Variants in TNR observed in about 807,000 individuals in gnomAD.
TNR encodes the protein tenascin-R.
A neutral mutation model predicts 150.4 loss-of-function variants in TNR; 45 were observed. The observed-to-expected ratio is 0.30, with a 90% CI of 0.24 to 0.38. The LOEUF (loss-of-function observed/expected upper bound fraction) is 0.38, where lower values mean the gene tolerates loss of function less well. Ranked by LOEUF, TNR falls within the 10% of genes least tolerant of loss-of-function variation. The pLI, the probability that TNR is intolerant of heterozygous loss-of-function variation, is 1.00. For missense variants in TNR, 1,544 were observed against 1,759.1 expected (o/e 0.88, Z 2.19); for synonymous variants, 687 against 678.4 (o/e 1.01, Z -0.20).
At chr1:175,625,284 T>C (rs1185640345) in intron 1 of TNR, among the ~76,000 whole-genome samples, 1 of 152,188 alleles carries the variant, frequency 6.6e-6, no homozygotes, top group African/African-American at 2.4e-5. Flanking sequence ...TATCCCTTCC[T>C]AAGTGCCAGA....
intron 1 of TNR, among the ~76,000 whole-genome samples, chr1:175,567,013 C>T (rs1661670027): frequency 6.6e-6 from 1 of 152,092 alleles, no homozygotes; most frequent in African/African-American, 2.4e-5. Context: ...AACCATTACT[C>T]ATGTTTTTAT....
intron 1 of TNR, among the ~76,000 whole-genome samples, chr1:175,566,177 T>A (rs1056206754): frequency 6.6e-6 from 1 of 152,234 alleles, no homozygotes; most frequent in Non-Finnish European, 1.5e-5. Flanking sequence ...TATGGACTCT[T>A]AGTACATCAA....
chr1:175,495,390 T>C (rs1658444308), intron 2 of TNR, among the ~76,000 whole-genome samples: 1 of 152,180 alleles, frequency 6.6e-6, no homozygotes, highest in Admixed American at 6.5e-5. Context: ...TGAGTGCTCA[T>C]GGAATGTTTG....
rs35772982 is a variant in TNR, at chr1:175,320,788, T to TTTCC, written c.*2565_*2568dup. ...TTCCCTCCCTCCCTCCCCTTCCTTC[T>TTTCC]TTCCTTCCTTCCTTCCTTCCTTCTT... On this transcript the variant is annotated 3_prime_UTR_variant, in exon 23 of 23. Transcript: ENST00000367674. The TTTCC allele has an allele frequency of 7.9e-4, 112 of 141,392 alleles. 1 individual carries two copies. Among genetic ancestry groups the TTTCC allele is most frequent in the African/African-American group, 5.5e-4 (21 of 38,464 alleles). 8.8% of individuals were successfully genotyped at this position (141,392 alleles called of 1,614,324 possible). A position where few individuals can be genotyped will look rare whatever the true frequency, so the allele number is the denominator to read the frequency against.
intron 4 of TNR, 30 bp downstream of exon 4, chr1:175,403,110 C>A (rs759788958): frequency 6.3e-7 from 1 of 1,576,268 alleles, no homozygotes. Flanking sequence ...ACCACCCTTG[C>A]CAAACACCCC....
chr1:175,547,997 C>T (rs1180944306), intron 1 of TNR, among the ~76,000 whole-genome samples: 5 of 152,124 alleles, frequency 3.3e-5, no homozygotes, highest in Non-Finnish European at 5.9e-5. Flanking sequence ...AAGGTAGCTG[C>T]GTGAAAGGTG....
Position 175,386,182 on chromosome 1 carries a change from C to T in TNR, c.1627G>A (p.Gly543Arg), listed in dbSNP as rs770789223. The change falls in exon 8 of 23, where the codon GGG becomes AGG. Residue 543 changes from glycine to arginine, a missense_variant. Around this residue, in one of 2 missense-constraint regions of TNR, gnomAD observed 1,254 missense variants for 1,329.4 expected, o/e 0.94. Transcript: ENST00000367674. ...CGGAAGGTGGTCCTCCCACCTTCCCCGCCCACCAGGCCATATTTCAAAAGA... is the reference window on the plus strand; with the variant it reads ...CGGAAGGTGGTCCTCCCACCTTCCCTGCCCACCAGGCCATATTTCAAAAGA... ...FILLKYGLVG[G>R]EGGRTTFRLQ... 1.4e-5 allele frequency: 23 copies of T among 1,612,474 alleles called. No individual in the cohort carries two copies. In the African/African-American group the frequency reaches 1.7e-4, roughly 12 times the overall value.
chr1:175,723,111 T>C (rs1318677007), intron 1 of TNR, among the ~76,000 whole-genome samples: 1 of 152,152 alleles, frequency 6.6e-6, no homozygotes, highest in East Asian at 1.9e-4. Context: ...TTAATAGGTG[T>C]GCATTTGTAT....
chr1:175,520,890 T>C (rs919534112), intron 2 of TNR, among the ~76,000 whole-genome samples: 3 of 152,152 alleles, frequency 2.0e-5, no homozygotes, highest in African/African-American at 7.2e-5. Context: ...CTGTGGTCCT[T>C]AGACAGAAAT....
At chr1:175,398,291 G>C (rs1653529651) in intron 4 of TNR, among the ~76,000 whole-genome samples, 1 of 152,168 alleles carries the variant, frequency 6.6e-6, no homozygotes, top group South Asian at 2.1e-4. Flanking sequence ...GAATAAAACA[G>C]TCTAGAAAGC....
intron 8 of TNR, among the ~76,000 whole-genome samples, chr1:175,384,301 C>T (rs1016916065): frequency 6.6e-6 from 1 of 152,098 alleles, no homozygotes; most frequent in East Asian, 1.9e-4. Flanking sequence ...CAAGAAGGGA[C>T]GTGAGCATCT....
intron 1 of TNR, among the ~76,000 whole-genome samples, chr1:175,700,179 T>C (rs777766174): frequency 1.1e-4 from 16 of 151,414 alleles, no homozygotes; most frequent in Non-Finnish European, 1.6e-4. Context: ...GTGAGTCCTC[T>C]AGCTTAAGAT....
chr1:175,539,134 G>C (rs993311374), intron 1 of TNR: 2 of 152,206 alleles, frequency 1.3e-5, no homozygotes, highest in Non-Finnish European at 2.9e-5. Flanking sequence ...CCAGAGGCAT[G>C]CTCCCAAATA....
chr1:175,596,326 C>A (rs1031226507), intron 1 of TNR, among the ~76,000 whole-genome samples: 1 of 152,078 alleles, frequency 6.6e-6, no homozygotes, highest in Non-Finnish European at 1.5e-5. Context: ...CAGTTCCCCC[C>A]ACCCGTCGTT....
At chr1:175,398,906 C>A (rs559919136) in intron 4 of TNR, among the ~76,000 whole-genome samples, 1 of 152,304 alleles carries the variant, frequency 6.6e-6, no homozygotes, top group East Asian at 1.9e-4. Context: ...ATTATCCCAG[C>A]TTTACCAATG....
At chr1:175,329,441 A>G (rs1193596485) in intron 21 of TNR, among the ~76,000 whole-genome samples, 1 of 152,220 alleles carries the variant, frequency 6.6e-6, no homozygotes, top group East Asian at 1.9e-4. Context: ...GTAAAAATCT[A>G]CACAGAAAAC....
intron 1 of TNR, among the ~76,000 whole-genome samples, chr1:175,647,176 T>C (rs1664832820): frequency 1.3e-5 from 2 of 152,182 alleles, no homozygotes; most frequent in Non-Finnish European, 2.9e-5. Flanking sequence ...AAACAGCAAC[T>C]GATTTCGCCC....
chr1:175,374,494 G>A (rs1442003544), intron 9 of TNR, among the ~76,000 whole-genome samples: 1 of 152,152 alleles, frequency 6.6e-6, no homozygotes, highest in Admixed American at 6.5e-5. Flanking sequence ...GCATGTGAGT[G>A]TGCATATGTG....
chr1:175,616,751 T>C (rs1663790396), intron 1 of TNR, among the ~76,000 whole-genome samples: 1 of 152,254 alleles, frequency 6.6e-6, no homozygotes, highest in South Asian at 2.1e-4. Context: ...AGTTGAGAAC[T>C]GGGAAAACTG....
Sources: allele counts gnomAD v4.1 joint callset (sites outside exome capture counted in the v4.1 genomes callset), GRCh38; gene constraint gnomAD v4.1.1; regional missense constraint gnomAD v4.1.1; transcripts MANE v1.5; gene names NCBI Gene and HGNC (gene_info 2026-07-23, HGNC 2026-07-21).